The following MYO5C variants were observed in gnomAD, a reference collection of about 807,000 sequenced individuals.
MYO5C encodes myosin VC, also known as unconventional myosin-Vc.
In MYO5C, 194 loss-of-function variants were observed where a neutral mutation model predicts 235.7. That is an observed-to-expected ratio of 0.82 (90% CI 0.73 to 0.93). The LOEUF (loss-of-function observed/expected upper bound fraction) is 0.93. MYO5C is among the 40% of genes least tolerant of loss of function. The pLI is 0.00. For missense variants in MYO5C, 2,038 were observed against 2,127.2 expected (o/e 0.96, Z 0.82); for synonymous variants, 707 against 754.8 (o/e 0.94, Z 1.04).
Position 52,221,103 on chromosome 15 carries a change from T to C in MYO5C, c.3721+59A>G, listed in dbSNP as rs982443894. 78 of 1,347,464 alleles carry C rather than the reference T, an allele frequency of 5.8e-5. 1 individual carries two copies. The highest frequency in any genetic ancestry group is 5.3e-4 in the South Asian group (42 of 79,772). The allele number at this position is 1,347,464 out of a possible 1,614,324, so 83.5% of individuals were successfully genotyped here. On this transcript the variant is annotated intron_variant, in intron 30 of 40. Transcript: ENST00000261839. Reference sequence around the variant, plus strand: ...CCCTGAGTACAAGGACATTTCAATGTCATTTCCGGGGTACAGGAAACCGTT... The same window carrying C: ...CCCTGAGTACAAGGACATTTCAATGCCATTTCCGGGGTACAGGAAACCGTT...
intron 1 of MYO5C, among the ~76,000 whole-genome samples, chr15:52,292,982 C>T (rs956775830): frequency 3.3e-5 from 5 of 152,182 alleles, no homozygotes; most frequent in African/African-American, 1.2e-4. Context: ...GGCAGGACCT[C>T]GTGGCTGGTC....
intron 4 of MYO5C, chr15:52,277,883 G>A (rs1269963672): frequency 6.6e-6 from 3 of 455,874 alleles, no homozygotes; most frequent in Non-Finnish European, 1.3e-5. Context: ...ATAAGCATCA[G>A]AACCAGGAAT....
In MYO5C at chr15:52,279,007, C is replaced by A; in HGVS notation, c.315G>T (p.Leu105Phe). The change falls in exon 4 of 41, where the codon TTG (leucine) becomes TTT (phenylalanine). Residue 105 changes from leucine (L) to phenylalanine (F), a missense_variant. Transcript: ENST00000261839. ...KLIYTYSGII[L>F]VAMNPYKQLP... ...ACTGCTTGTAAGGATTCATGGCCACCAAAATGATTCCTGGGGAAAGATGTT... is the reference window on the plus strand; with the variant it reads ...ACTGCTTGTAAGGATTCATGGCCACAAAAATGATTCCTGGGGAAAGATGTT... The A allele has an allele frequency of 6.2e-7, 1 of 1,612,200 alleles. No individual in the cohort carries two copies. The highest frequency in any genetic ancestry group is 8.5e-7 in the Non-Finnish European group (1 of 1,178,650).
chr15:52,195,406 CTCTCT>C lies in MYO5C; in HGVS notation c.5042_5046del (p.Lys1681SerfsTer15). 6.2e-7 allele frequency: 1 copy of C among 1,613,382 alleles called. No homozygotes were observed. Among genetic ancestry groups the C allele is most frequent in the Non-Finnish European group, 8.5e-7 (1 of 1,179,668 alleles). ...ACTTTGCGAACAAAGGATGGAGTCACTCTCTTCTCAAAGTCATCTATAGGTGTGTA... is the reference window on the plus strand; with the variant it reads ...ACTTTGCGAACAAAGGATGGAGTCACTCTCAAAGTCATCTATAGGTGTGTA... On this transcript the variant is annotated frameshift_variant, in exon 40 of 41. Coordinates refer to ENST00000261839, the MANE Select transcript of MYO5C (RefSeq NM_018728.4). LOFTEE classifies it high-confidence loss of function.
chr15:52,284,924 C>T (rs1488453331), intron 1 of MYO5C, among the ~76,000 whole-genome samples: 1 of 151,302 alleles, frequency 6.6e-6, no homozygotes, highest in Non-Finnish European at 1.5e-5. Context: ...ACTGGAGCCT[C>T]GAACTCCTGG....
intron 13 of MYO5C, 43 bp downstream of exon 13, chr15:52,251,347 C>G: frequency 6.5e-7 from 1 of 1,543,494 alleles, no homozygotes; most frequent in Non-Finnish European, 8.8e-7. Flanking sequence ...GGAGGCTGTA[C>G]AGGTTCCGGG....
chr15:52,277,384 G>A (rs2037076521), intron 4 of MYO5C, among the ~76,000 whole-genome samples: 1 of 151,984 alleles, frequency 6.6e-6, no homozygotes, highest in Admixed American at 6.5e-5. Context: ...GAGACCTACA[G>A]GGAGCCAGGG....
chr15:52,214,735 A>T, intron 32 of MYO5C, 45 bp from the exon 33 acceptor site: 1 of 1,354,562 alleles, frequency 7.4e-7, no homozygotes, highest in Non-Finnish European at 9.9e-7. Context: ...GAAGCACTTT[A>T]ATCTATTTTT....
At chr15:52,202,918 ATTTT>A (rs199690225) in intron 38 of MYO5C, among the ~76,000 whole-genome samples, 1 of 105,026 alleles carries the variant, frequency 9.5e-6, no homozygotes, top group Non-Finnish European at 2.3e-5. Flanking sequence ...GGTACATGAA[ATTTT>A]TTTTTGTTTT....
In MYO5C at chr15:52,235,656, C is replaced by G. The variant is rs752133913; in HGVS notation, c.2962+14G>C. On this transcript the variant is annotated intron_variant, in intron 23 of 40. Transcript: ENST00000261839. ...AATCAGTGAATGTCTGGATTTGTGC[C>G]CCCCAAGCTTTACCTTTTAACTCTT... The G allele has an allele frequency of 6.3e-7, 1 of 1,587,600 alleles. No individual in the cohort carries two copies. The highest frequency in any genetic ancestry group is 1.4e-5 in the African/African-American group (1 of 74,028).
chr15:52,226,184 A>C (rs1252400763), intron 25 of MYO5C, among the ~76,000 whole-genome samples: 2 of 152,202 alleles, frequency 1.3e-5, no homozygotes, highest in Non-Finnish European at 2.9e-5. Flanking sequence ...AATGGATAAT[A>C]AAATATTGAG....
At chr15:52,211,611 A>G in intron 35 of MYO5C, 119 bp downstream of exon 35, 2 of 1,146,790 alleles carry the variant, frequency 1.7e-6, no homozygotes, top group Non-Finnish European at 2.5e-6. Context: ...TGGGCCTCAA[A>G]CTTGTTTGAG....
intron 9 of MYO5C, among the ~76,000 whole-genome samples, chr15:52,262,872 A>G (rs1484644147): frequency 6.6e-6 from 1 of 152,254 alleles, no homozygotes; most frequent in Non-Finnish European, 1.5e-5. Flanking sequence ...CATATGTTGA[A>G]GTCCTAACCC....
Position 52,212,594 on chromosome 15 carries a change from A to G in MYO5C, c.4141+594T>C, listed in dbSNP as rs147821305. Among the ~76,000 whole-genome samples the G allele has an allele frequency of 1.8e-4, 28 of 152,262 alleles. 1 individual carries two copies. Among genetic ancestry groups the G allele is most frequent in the African/African-American group, 6.7e-4 (28 of 41,552 alleles). On this transcript the variant is annotated intron_variant, in intron 34 of 40. Coordinates refer to ENST00000261839, the MANE Select transcript of MYO5C (RefSeq NM_018728.4). ...TTGGGGCCAGCTGACAGGGAGGCAGATTTTTCTCCCTATGCCAGAAAACCA... is the reference window on the plus strand; with the variant it reads ...TTGGGGCCAGCTGACAGGGAGGCAGGTTTTTCTCCCTATGCCAGAAAACCA...
intron 20 of MYO5C, among the ~76,000 whole-genome samples, chr15:52,240,538 T>C (rs1461909528): frequency 3.8e-5 from 1 of 26,034 alleles, no homozygotes; most frequent in African/African-American, 6.5e-5. Flanking sequence ...ACTCATTCTC[T>C]ACAAAAAAAG....
chr15:52,198,900 T>G (rs1338388931), intron 38 of MYO5C, among the ~76,000 whole-genome samples: 1 of 146,736 alleles, frequency 6.8e-6, no homozygotes, highest in African/African-American at 2.5e-5. Flanking sequence ...TTTTTGTTTT[T>G]GTTTTTGTTT....
At chr15:52,261,155 G>A in intron 9 of MYO5C, 28 bp from the exon 10 acceptor site, 1 of 1,608,582 alleles carries the variant, frequency 6.2e-7, no homozygotes, top group Non-Finnish European at 8.5e-7. Context: ...AGCCCCGTCA[G>A]GTGGCCCAGC....
At chr15:52,290,561 G>A (rs2037366005) in intron 1 of MYO5C, among the ~76,000 whole-genome samples, 1 of 150,472 alleles carries the variant, frequency 6.6e-6, no homozygotes, top group African/African-American at 2.5e-5. Flanking sequence ...TGGAATGACT[G>A]TAGTGAACCT....
rs769947074 is a variant in MYO5C at position 52,223,647 on chromosome 15, T to G, written c.3524A>C (p.His1175Pro). The G allele has an allele frequency of 6.2e-7, 1 of 1,614,214 alleles. No homozygotes were observed. Among genetic ancestry groups the G allele is most frequent in the South Asian group, 1.1e-5 (1 of 91,082 alleles). The change falls in exon 29 of 41, where the codon CAT becomes CCT. Residue 1175 changes from histidine to proline, a missense_variant. By Grantham distance (77) the His-to-Pro change is moderately conservative (BLOSUM62 -2). Coordinates refer to ENST00000261839, the MANE Select transcript of MYO5C (RefSeq NM_018728.4). ...CAGGTGGTTGATTTCTTGACTGAGA[T>G]GCACCACTTTGAAGTTCAAAGCTTC... ...EIEALNFKVV[H>P]LSQEINHLQK... is the part of the protein sequence containing the mutation.
Sources: allele counts gnomAD v4.1 joint callset (sites outside exome capture counted in the v4.1 genomes callset), GRCh38; gene constraint gnomAD v4.1.1; transcripts MANE v1.5; gene names NCBI Gene and HGNC (gene_info 2026-07-23, HGNC 2026-07-21).